UGDH: variants seen among roughly 807,000 people sequenced by gnomAD.
The protein encoded by UGDH is UDP-Glc dehydrogenase.
UGDH carries 38 observed loss-of-function variants against 50.6 expected under a neutral mutation model. The observed-to-expected ratio is 0.75, with a 90% CI of 0.58 to 0.98. The LOEUF (loss-of-function observed/expected upper bound fraction) is 0.98. UGDH is among the 50% of genes least tolerant of loss of function. The pLI is 0.00. For missense variants in UGDH, 465 were observed against 606.2 expected (o/e 0.77, Z 2.45); for synonymous variants, 168 against 199.9 (o/e 0.84, Z 1.35).
chr4:39,507,942 C>CAAAA (rs34122254), intron 7 of UGDH, among the ~76,000 whole-genome samples: 2 of 76,566 alleles, frequency 2.6e-5, no homozygotes, highest in Non-Finnish European at 3.2e-5. Context: ...GATCTTGTCT[C>CAAAA]AAAAAAAAAA....
chr4:39,508,434 A>G (rs1004223389), intron 7 of UGDH, 132 bp downstream of exon 7: 2 of 778,640 alleles, frequency 2.6e-6, no homozygotes, highest in Non-Finnish European at 4.0e-6. Context: ...GGGTCTCACT[A>G]TGTTGCCCAG....
At position 39,521,381 on chromosome 4, in the gene UGDH, C is replaced by T. The variant is rs147584374; in HGVS notation, c.132G>A (p.Ala44=). 34 of 1,610,192 alleles carry T rather than the reference C, an allele frequency of 2.1e-5. No individual in the cohort carries two copies. In the Admixed American group the frequency reaches 3.9e-4, roughly 18 times the overall value. Residue 44 remains alanine (A), a synonymous_variant, in exon 2 of 12, where the codon GCG becomes GCA. Coordinates refer to ENST00000316423, the MANE Select transcript of UGDH (RefSeq NM_003359.4). ...VVDVNESRIN[A]WNSPTLPIYE... is the part of the protein sequence containing the mutation. The stretch of plus-strand genomic sequence containing the variant: ...AAATAGGAAGTGTAGGAGAATTCCA[C>T]GCATTGATTCTTGATTCATTGACAT...
At chr4:39,515,131 G>A (rs994838792) in intron 2 of UGDH, among the ~76,000 whole-genome samples, 4 of 152,058 alleles carry the variant, frequency 2.6e-5, no homozygotes, top group African/African-American at 4.8e-5. Flanking sequence ...AAGTTACCAC[G>A]CCCTGCCTCA....
At chr4:39,523,685 T>C (rs2109949728) in intron 1 of UGDH, among the ~76,000 whole-genome samples, 1 of 151,712 alleles carries the variant, frequency 6.6e-6, no homozygotes, top group East Asian at 2.0e-4. Flanking sequence ...ATGTCTGTAA[T>C]CCCAGCTACT....
At chr4:39,519,395 T>C (rs1170258625) in intron 2 of UGDH, among the ~76,000 whole-genome samples, 1 of 152,108 alleles carries the variant, frequency 6.6e-6, no homozygotes, top group Non-Finnish European at 1.5e-5. Flanking sequence ...CAGAATTCAT[T>C]ACTGAATGTT....
At chr4:39,515,478 ATT>A (rs1340071694) in intron 2 of UGDH, among the ~76,000 whole-genome samples, 3 of 138,152 alleles carry the variant, frequency 2.2e-5, no homozygotes, top group Non-Finnish European at 4.7e-5. Context: ...TCTAAGTCCT[ATT>A]GCAAGGAACC....
chr4:39,526,968 C>T, intron 1 of UGDH: 1 of 1,263,924 alleles, frequency 7.9e-7, no homozygotes, highest in Non-Finnish European at 1.0e-6. Flanking sequence ...CTGTGGTGGG[C>T]GTTCGGCTTT....
At chr4:39,520,078 C>T (rs1027779879) in intron 2 of UGDH, among the ~76,000 whole-genome samples, 1 of 152,188 alleles carries the variant, frequency 6.6e-6, no homozygotes, top group Middle Eastern at 3.4e-3. Context: ...GTGGCTCACA[C>T]CTGTAATCCC....
At chr4:39,522,808 C>T (rs796595117) in intron 1 of UGDH, among the ~76,000 whole-genome samples, 2 of 150,572 alleles carry the variant, frequency 1.3e-5, no homozygotes, top group African/African-American at 4.9e-5. Flanking sequence ...GCTCTGTCGC[C>T]AGGCTAGAGT....
intron 2 of UGDH, 85 bp downstream of exon 2, chr4:39,521,266 T>G: frequency 7.5e-7 from 1 of 1,327,398 alleles, no homozygotes; most frequent in South Asian, 1.8e-5. Context: ...CTGTTATAGA[T>G]TTTTATATTA....
Position 39,505,369 on chromosome 4 carries a change from C to T in UGDH, c.1039G>A (p.Glu347Lys). 1.3e-6 allele frequency: 2 copies of T among 1,511,420 alleles called. No homozygotes were observed. The highest frequency in any genetic ancestry group is 1.8e-6 in the Non-Finnish European group (2 of 1,134,136). 93.6% of individuals were successfully genotyped at this position (1,511,420 alleles called of 1,614,324 possible). ...TTGCTAATATATATACTAGAAGATT[C>T]TCTATAGGAAAAAAAAAATCAGTAT... Reference protein sequence around the residue: ...AFKKDTGDTRESSSIYISKYL... With the variant: ...AFKKDTGDTRKSSSIYISKYL... Residue 347 changes from glutamate (E) to lysine (K), a missense_variant and splice_region_variant, in exon 9 of 12, where the codon GAA (glutamate) becomes AAA (lysine). Physicochemically the swap from Glu to Lys is moderately conservative, Grantham distance 56. Transcript: ENST00000316423.
chr4:39,518,555 A>G (rs189754355), intron 2 of UGDH, among the ~76,000 whole-genome samples: 33 of 150,958 alleles, frequency 2.2e-4, no homozygotes, highest in African/African-American at 7.8e-4. Context: ...CACTATATTG[A>G]CCAGGATGGA....
chr4:39,503,500 C>T (rs1022997853), intron 11 of UGDH, among the ~76,000 whole-genome samples: 2 of 152,160 alleles, frequency 1.3e-5, no homozygotes, highest in Non-Finnish European at 2.9e-5. Flanking sequence ...CTTTCTCTAC[C>T]TTTAGATCGC....
At chr4:39,501,124 C>A (rs1421170234) in intron 11 of UGDH, among the ~76,000 whole-genome samples, 1 of 151,772 alleles carries the variant, frequency 6.6e-6, no homozygotes, top group African/African-American at 2.4e-5. Flanking sequence ...CGCCACCACA[C>A]CAGGCTAATG....
chr4:39,512,819 A>T (rs1296212311), intron 3 of UGDH, among the ~76,000 whole-genome samples: 3 of 135,864 alleles, frequency 2.2e-5, no homozygotes, highest in Admixed American at 7.8e-5. Flanking sequence ...AAGAGACTGA[A>T]TTTTTTTTTT....
chr4:39,507,296 A>AT (rs2109924172), intron 7 of UGDH, among the ~76,000 whole-genome samples: 1 of 152,370 alleles, frequency 6.6e-6, no homozygotes, highest in African/African-American at 2.4e-5. Flanking sequence ...AATGCTTCCA[A>AT]TTTGGAAGGG....
At chr4:39,511,603 G>A (rs1746249465) in intron 3 of UGDH, among the ~76,000 whole-genome samples, 1 of 151,286 alleles carries the variant, frequency 6.6e-6, no homozygotes, top group Admixed American at 6.6e-5. Context: ...TATATCAACA[G>A]TCTTTTAAAA....
intron 2 of UGDH, among the ~76,000 whole-genome samples, chr4:39,515,146 T>C (rs887442765): frequency 2.6e-5 from 4 of 152,152 alleles, no homozygotes; most frequent in African/African-American, 9.7e-5. Flanking sequence ...GCCTCATAAG[T>C]ACACTTAAGT....
chr4:39,507,138 A>G (rs2109923977), intron 7 of UGDH, among the ~76,000 whole-genome samples: 1 of 152,340 alleles, frequency 6.6e-6, no homozygotes, highest in Admixed American at 6.5e-5. Context: ...AAATTACTTA[A>G]TATCTCCATG....
Sources: allele counts gnomAD v4.1 joint callset (sites outside exome capture counted in the v4.1 genomes callset), GRCh38; gene constraint gnomAD v4.1.1; transcripts MANE v1.5; gene names NCBI Gene and HGNC (gene_info 2026-07-23, HGNC 2026-07-21).